The following WBP1L variants were observed in gnomAD, a reference collection of about 807,000 sequenced individuals.
WBP1L encodes the protein WW domain binding protein 1-like.
Under a neutral mutation model 33.7 loss-of-function variants are expected in WBP1L, and 17 were observed. The observed-to-expected ratio is 0.50, with a 90% CI of 0.34 to 0.76. The LOEUF (loss-of-function observed/expected upper bound fraction) is 0.76, where lower values mean the gene tolerates loss of function less well. WBP1L is among the 30% of genes least tolerant of loss of function. The pLI is 0.01. For synonymous variants in WBP1L, 173 were observed against 190.8 expected, an observed-to-expected ratio of 0.91 and a Z score of 0.77; for missense variants, 389 against 469.4, an observed-to-expected ratio of 0.83 and a Z score of 1.58.
At chr10:102,766,368 G>C (rs1461578142) in intron 1 of WBP1L, among the ~76,000 whole-genome samples, 1 of 150,388 alleles carries the variant, frequency 6.6e-6, no homozygotes, top group Admixed American at 6.7e-5. Flanking sequence ...TTGAACCCGG[G>C]AGGCGGAGGT....
chr10:102,813,480 C>G lies in WBP1L; in HGVS notation c.*149C>G. On this transcript the variant is annotated 3_prime_UTR_variant, in exon 4 of 4. Transcript: ENST00000448841. ...TTTCCTTCTCCTCTCCTGCATTTTC[C>G]TCCATCTCCAGGTACAGTTCGGGGT... 1 of 1,115,928 alleles carries G rather than the reference C, an allele frequency of 9.0e-7. No homozygotes were observed. The allele number at this position is 1,115,928 out of a possible 1,614,324, so 69.1% of individuals were successfully genotyped here.
At chr10:102,781,086 G>C (rs894110780) in intron 1 of WBP1L, among the ~76,000 whole-genome samples, 1 of 152,218 alleles carries the variant, frequency 6.6e-6, no homozygotes, top group African/African-American at 2.4e-5. Context: ...CCAAGGGGCT[G>C]TTTGTATTTT....
intron 1 of WBP1L, among the ~76,000 whole-genome samples, chr10:102,756,349 G>T (rs1007355343): frequency 2.0e-5 from 3 of 152,164 alleles, no homozygotes; most frequent in Non-Finnish European, 4.4e-5. Context: ...AGCAGAGGTT[G>T]CAGTGAGCCA....
intron 1 of WBP1L, among the ~76,000 whole-genome samples, chr10:102,783,814 G>A (rs1214422221): frequency 1.3e-5 from 2 of 152,214 alleles, no homozygotes; most frequent in East Asian, 3.9e-4. Flanking sequence ...TAGGGCTAAG[G>A]TGGAGAAACC....
In WBP1L at chr10:102,813,136, T is replaced by C. The variant is rs1040457576; in HGVS notation, c.897T>C (p.Asp299=). ...EFNTLIDDAL[D]GPLDFCDSCH... The stretch of plus-strand genomic sequence containing the variant: ...ACACACTCATCGATGATGCTCTGGA[T>C]GGGCCCCTGGACTTCTGCGACAGCT... The change falls in exon 4 of 4, where the codon GAT becomes GAC. Residue 299 remains aspartate, a synonymous_variant. Coordinates refer to ENST00000448841, the MANE Select transcript of WBP1L (RefSeq NM_001083913.2). The C allele has an allele frequency of 3.7e-6, 6 of 1,613,932 alleles. No homozygotes were observed. In the Admixed American group the frequency reaches 6.7e-5, roughly 18 times the overall value.
chr10:102,747,440 C>T (rs965942427), intron 1 of WBP1L, among the ~76,000 whole-genome samples: 14 of 151,554 alleles, frequency 9.2e-5, no homozygotes, highest in Non-Finnish European at 2.1e-4. Context: ...GCGTTTGTTT[C>T]CTCCAGTTAA....
At chr10:102,808,880 GA>G (rs11306700) in intron 2 of WBP1L, among the ~76,000 whole-genome samples, 78,692 of 151,880 alleles carry the variant, frequency 0.52, 21,404 homozygotes, top group Middle Eastern at 0.63. Flanking sequence ...TGGGCACTAA[GA>G]AAGTGAAGCA....
intron 1 of WBP1L, among the ~76,000 whole-genome samples, chr10:102,781,928 C>T (rs1394953114): frequency 1.3e-5 from 2 of 152,012 alleles, no homozygotes; most frequent in Non-Finnish European, 2.9e-5. Context: ...GACTGGAGTG[C>T]AGTGGCGCCA....
At chr10:102,757,878 C>G (rs1446501025) in intron 1 of WBP1L, among the ~76,000 whole-genome samples, 1 of 43,516 alleles carries the variant, frequency 2.3e-5, no homozygotes, top group African/African-American at 1.0e-4. Flanking sequence ...ACCTGCCCTC[C>G]CCCCCCCCCT....
chr10:102,745,930 G>C (rs2250580), intron 1 of WBP1L, among the ~76,000 whole-genome samples: 44,164 of 152,070 alleles, frequency 0.29, 6,628 homozygotes, highest in Admixed American at 0.3. Context: ...TTAAGTATAG[G>C]TATTGACAAC....
At chr10:102,744,662 C>T (rs903723229) in intron 1 of WBP1L, among the ~76,000 whole-genome samples, 5 of 152,266 alleles carry the variant, frequency 3.3e-5, no homozygotes, top group Admixed American at 1.3e-4. Flanking sequence ...ATTTTAAAAT[C>T]TGTAAGCCAT....
chr10:102,810,271 G>C (rs1843810477), intron 3 of WBP1L, among the ~76,000 whole-genome samples: 1 of 152,126 alleles, frequency 6.6e-6, no homozygotes, highest in African/African-American at 2.4e-5. Flanking sequence ...AAGCCACTGG[G>C]CCATTCCAAA....
chr10:102,754,271 A>G (rs1047983741), intron 1 of WBP1L, among the ~76,000 whole-genome samples: 11 of 152,206 alleles, frequency 7.2e-5, no homozygotes, highest in Middle Eastern at 3.2e-3. Flanking sequence ...AAGTTTTGCA[A>G]ATCCCTTTGC....
chr10:102,812,651 A>C lies in WBP1L; in HGVS notation c.412A>C (p.Thr138Pro), dbSNP rs867672712. 6.2e-7 allele frequency: 1 copy of C among 1,604,916 alleles called. No individual in the cohort carries two copies. Among genetic ancestry groups the C allele is most frequent in the Non-Finnish European group, 8.5e-7 (1 of 1,175,984 alleles). Reference protein sequence around the residue: ...PYEEVVNRPPTPPPPYSAFQL... With the variant: ...PYEEVVNRPPPPPPPYSAFQL... ...TGAGGAAGTGGTGAACCGACCTCCAACTCCTCCCCCACCATACAGTGCCTT... is the reference window on the plus strand; with the variant it reads ...TGAGGAAGTGGTGAACCGACCTCCACCTCCTCCCCCACCATACAGTGCCTT... Residue 138 changes from threonine to proline, a missense_variant, in exon 4 of 4, where the codon ACT becomes CCT. Physicochemically the swap from Thr to Pro is conservative, Grantham distance 38 (BLOSUM62 -1). Transcript: ENST00000448841.
intron 1 of WBP1L, among the ~76,000 whole-genome samples, chr10:102,747,791 G>C (rs1217680592): frequency 1.3e-5 from 2 of 152,200 alleles, no homozygotes; most frequent in African/African-American, 4.8e-5. Flanking sequence ...GCCTCCCAGA[G>C]TGTTGGGATT....
At position 102,799,550 on chromosome 10, in the gene WBP1L, G is replaced by T. The variant is rs540253134; in HGVS notation, c.193+1455G>T. On this transcript the variant is annotated intron_variant, in intron 2 of 3. Transcript: ENST00000448841. Reference sequence around the variant, plus strand: ...CTGGACAAAGAATGAGAGGGTGTTGGGGGGGTGGTGCTTAGGACAGCGAGG... The same window carrying T: ...CTGGACAAAGAATGAGAGGGTGTTGTGGGGGTGGTGCTTAGGACAGCGAGG... Among the ~76,000 whole-genome samples, 28 of 152,200 alleles carry T rather than the reference G, an allele frequency of 1.8e-4. No homozygotes were observed. The South Asian group carries it at 3.3e-3, about 18-fold the overall frequency.
In WBP1L at chr10:102,744,085, C is replaced by T; in HGVS notation, c.32C>T (p.Ala11Val). The change falls in exon 1 of 4, where the codon GCG (alanine) becomes GTG (valine). Residue 11 changes from alanine to valine, a missense_variant. Physicochemically the swap from Ala to Val is moderately conservative, Grantham distance 64. Transcript: ENST00000448841. ...AGGAGAAGGCTCCTGGGTGGCATGG[C>T]GCTCCTGCTCCTCCAGGCGCTGCCC... MERRRLLGGMALLLLQALPSP... is the reference protein window; with the variant it reads MERRRLLGGMVLLLLQALPSP... The T allele has an allele frequency of 1.9e-6, 3 of 1,551,668 alleles. No homozygotes were observed. The highest frequency in any genetic ancestry group is 3.9e-5 in the Admixed American group (2 of 50,966).
chr10:102,772,549 T>C (rs971335902), intron 1 of WBP1L, among the ~76,000 whole-genome samples: 5 of 136,590 alleles, frequency 3.7e-5, no homozygotes, highest in African/African-American at 1.4e-4. Flanking sequence ...GCATGAGCCA[T>C]GCCCGGCCCT....
chr10:102,772,665 G>A (rs934083991), intron 1 of WBP1L, among the ~76,000 whole-genome samples: 14 of 146,730 alleles, frequency 9.5e-5, no homozygotes, highest in Non-Finnish European at 1.9e-4. Context: ...TCCCTCCTGG[G>A]CTCAAGTGTC....
Sources: allele counts gnomAD v4.1 joint callset (sites outside exome capture counted in the v4.1 genomes callset), GRCh38; gene constraint gnomAD v4.1.1; transcripts MANE v1.5; gene names NCBI Gene and HGNC (gene_info 2026-07-23, HGNC 2026-07-21).